Variants in PCDHGA8 observed in about 807,000 individuals in gnomAD.
PCDHGA8 encodes protocadherin gamma subfamily A, 8.
PCDHGA8 carries 45 observed loss-of-function variants against 59.2 expected under a neutral mutation model. The observed-to-expected ratio is 0.76, with a 90% CI of 0.60 to 0.98. The LOEUF (loss-of-function observed/expected upper bound fraction) is 0.98. Among genes scored for constraint, PCDHGA8 ranks in the 50% least tolerant of loss-of-function variants. The probability of loss-of-function intolerance (pLI) is 0.00; values close to 1 mark genes in which losing one functional copy is unlikely to be tolerated. For synonymous variants in PCDHGA8, 531 were observed against 519.0 expected (o/e 1.02, Z -0.32); for missense variants, 1,257 against 1,196.2 (o/e 1.05, Z -0.75).
intron 1 of PCDHGA8, chr5:141,408,253 A>G (rs749487100): frequency 3.4e-4 from 550 of 1,599,220 alleles, no homozygotes; most frequent in Non-Finnish European, 4.4e-4. Flanking sequence ...GGCAGGTGCT[A>G]TTTCCTTTGC....
rs368168278 is a variant in PCDHGA8, at chr5:141,419,810, C to T, written c.2424+24573C>T. On this transcript the variant is annotated intron_variant, in intron 1 of 3. Coordinates refer to ENST00000398604, the MANE Select transcript of PCDHGA8 (RefSeq NM_032088.2). ...GCTAGTCGCTGTAAGAGATGGAGGA[C>T]AGCCACCCCTTTCAGCCACTGCCAC... The T allele has an allele frequency of 3.1e-6, 5 of 1,613,946 alleles. No individual in the cohort carries two copies. The Admixed American group carries it at 8.3e-5, about 27-fold the overall frequency.
chr5:141,475,008 T>C (rs1292437400), intron 1 of PCDHGA8, among the ~76,000 whole-genome samples: 1 of 152,258 alleles, frequency 6.6e-6, no homozygotes, highest in Admixed American at 6.5e-5. Flanking sequence ...TGCAGAAAAG[T>C]TAAGGCTCTT....
intron 1 of PCDHGA8, chr5:141,421,720 G>T: frequency 6.2e-7 from 1 of 1,613,906 alleles, no homozygotes. Context: ...AGATGTGGGC[G>T]TGAACTCCCT....
intron 1 of PCDHGA8, among the ~76,000 whole-genome samples, chr5:141,456,124 C>G (rs2098844023): frequency 6.6e-6 from 1 of 152,072 alleles, no homozygotes. Context: ...GTCTCCATCT[C>G]CTGACCTCCT....
intron 1 of PCDHGA8, chr5:141,426,648 A>G (rs1224402025): frequency 2.4e-6 from 1 of 418,088 alleles, no homozygotes; most frequent in Non-Finnish European, 4.9e-6. Flanking sequence ...AAATGTGATG[A>G]TAGAAGATAT....
intron 1 of PCDHGA8, chr5:141,414,112 T>C (rs967826724): frequency 1.3e-6 from 2 of 1,592,428 alleles, no homozygotes; most frequent in African/African-American, 2.7e-5. Context: ...AAATCTAGAT[T>C]ATGAAGAAAC....
At chr5:141,398,957 T>G (rs1307112913) in intron 1 of PCDHGA8, 1 of 1,613,868 alleles carries the variant, frequency 6.2e-7, no homozygotes, top group South Asian at 1.1e-5. Context: ...AACTCAGAAA[T>G]TACTTATTCC....
At chr5:141,497,848 T>C (rs2099779951) in intron 2 of PCDHGA8, among the ~76,000 whole-genome samples, 1 of 152,178 alleles carries the variant, frequency 6.6e-6, no homozygotes, top group South Asian at 2.1e-4. Flanking sequence ...AACAAACATT[T>C]TTGATTCAGC....
rs752171326 is a variant in PCDHGA8 at position 141,395,310 on chromosome 5, A to C, written c.2424+73A>C. The stretch of plus-strand genomic sequence containing the variant: ...TGGCATAAATTATGTTTTGAAAAAC[A>C]TTGTGAAGATAGTTGAAAATAATTT... On this transcript the variant is annotated intron_variant, in intron 1 of 3. Transcript: ENST00000398604. The C allele has an allele frequency of 3.3e-6, 5 of 1,502,410 alleles. No homozygotes were observed. In the East Asian group the frequency reaches 1.1e-4, roughly 34 times the overall value. 93.1% of individuals were successfully genotyped at this position (1,502,410 alleles called of 1,614,324 possible).
Position 141,415,089 on chromosome 5 carries a change from C to T in PCDHGA8, c.2424+19852C>T, listed in dbSNP as rs1159857230. 1.9e-6 allele frequency: 3 copies of T among 1,613,556 alleles called. No individual in the cohort carries two copies. In the South Asian group the frequency reaches 3.3e-5, roughly 18 times the overall value. The stretch of plus-strand genomic sequence containing the variant: ...TGCGCACGGCGCGAGCCCTGCTGGA[C>T]AGAGACGCGCTCAAGCAAAGCCTCG... On this transcript the variant is annotated intron_variant, in intron 1 of 3. Coordinates refer to ENST00000398604, the MANE Select transcript of PCDHGA8 (RefSeq NM_032088.2).
In PCDHGA8 at chr5:141,398,847, G is replaced by A. The variant is rs773663002; in HGVS notation, c.2424+3610G>A. On this transcript the variant is annotated intron_variant, in intron 1 of 3. Coordinates refer to ENST00000398604, the MANE Select transcript of PCDHGA8 (RefSeq NM_032088.2). Reference sequence around the variant, plus strand: ...TAACCGACGCCAATGATAATCCCCCGGTATTCAACCGAGACGTGTACAGAG... The same window carrying A: ...TAACCGACGCCAATGATAATCCCCCAGTATTCAACCGAGACGTGTACAGAG... The A allele has an allele frequency of 2.5e-6, 4 of 1,613,758 alleles. No homozygotes were observed. In the African/African-American group the frequency reaches 5.3e-5, roughly 22 times the overall value.
chr5:141,492,386 G>C (rs1343104703), intron 1 of PCDHGA8, among the ~76,000 whole-genome samples: 1 of 152,202 alleles, frequency 6.6e-6, no homozygotes, highest in African/African-American at 2.4e-5. Context: ...GCCTGTTCCG[G>C]TCCACTCGCA....
rs2092632355 is a variant in PCDHGA8 at position 141,392,931 on chromosome 5, G to A, written c.118G>A (p.Asp40Asn). 1.2e-6 allele frequency: 2 copies of A among 1,613,802 alleles called. No individual in the cohort carries two copies. Among genetic ancestry groups the A allele is most frequent in the Admixed American group, 1.7e-5 (1 of 60,004 alleles). ...TCGCTACTCTGTGCCAGAAGAGACG[G>A]ACAAAGGCTCCTTCGTGGGTAATAT... ...QIRYSVPEET[D>N]KGSFVGNISK... Residue 40 changes from aspartate to asparagine, a missense_variant, in exon 1 of 4, where the codon GAC becomes AAC. Coordinates refer to ENST00000398604, the MANE Select transcript of PCDHGA8 (RefSeq NM_032088.2).
At chr5:141,403,895 T>G in intron 1 of PCDHGA8, 1 of 1,613,884 alleles carries the variant, frequency 6.2e-7, no homozygotes, top group Non-Finnish European at 8.5e-7. Context: ...ATGTTCATTT[T>G]ATGAAATGGA....
At chr5:141,413,115 A>C in intron 1 of PCDHGA8, 1 of 1,507,478 alleles carries the variant, frequency 6.6e-7, no homozygotes, top group Non-Finnish European at 8.9e-7. Context: ...AGACAAAGGA[A>C]CCGGTTGAAA....
Position 141,432,099 on chromosome 5 carries a change from A to G in PCDHGA8, c.2424+36862A>G. On this transcript the variant is annotated intron_variant, in intron 1 of 3. Transcript: ENST00000398604. This position sits in a 1 kb window ranked among gnomAD's most constrained non-coding sequence, Gnocchi z 6.0. ...TCGCTGAACGTGGCAGACACCAACG[A>G]CAACCCGCCGGTCTTCCCTCAGGCC... 6.2e-7 allele frequency: 1 copy of G among 1,614,102 alleles called. No homozygotes were observed. The highest frequency in any genetic ancestry group is 1.1e-5 in the South Asian group (1 of 91,070).
chr5:141,410,066 C>G, intron 1 of PCDHGA8: 1 of 1,612,912 alleles, frequency 6.2e-7, no homozygotes, highest in Non-Finnish European at 8.5e-7. Context: ...CCTGGGGCTG[C>G]GCACTGGGGA....
At chr5:141,439,727 C>G (rs940325016) in intron 1 of PCDHGA8, 2 of 152,406 alleles carry the variant, frequency 1.3e-5, no homozygotes, top group Non-Finnish European at 2.9e-5. Context: ...AAATTATAAG[C>G]AGGAACGGAA....
In PCDHGA8 at chr5:141,511,532, T is replaced by G. The variant is rs548369303; in HGVS notation, c.*359T>G. Reference sequence around the variant, plus strand: ...GCCCATCCATCCCATGCCTCCCTCCTCCCCACCCCACTCCAACAGTTCCTC... The same window carrying G: ...GCCCATCCATCCCATGCCTCCCTCCGCCCCACCCCACTCCAACAGTTCCTC... On this transcript the variant is annotated 3_prime_UTR_variant, in exon 4 of 4. Transcript: ENST00000398604. 3.6e-5 allele frequency: 12 copies of G among 335,506 alleles called. No homozygotes were observed. In the East Asian group the frequency reaches 8.0e-4, roughly 22 times the overall value. The allele number at this position is 335,506 out of a possible 1,614,324, so 20.8% of individuals were successfully genotyped here. A position where few individuals can be genotyped will look rare whatever the true frequency, so the allele number is the denominator to read the frequency against.
Sources: gnomAD v4.1 joint callset for allele counts (sites outside exome capture counted in the v4.1 genomes callset) on GRCh38, gnomAD v4.1.1 for gene constraint, Gnocchi (gnomAD v3.1) non-coding constraint, MANE v1.5 for transcripts, NCBI Gene and HGNC (gene_info 2026-07-23, HGNC 2026-07-21) for gene names.